Variants in NOTCH2 observed in about 807,000 individuals in gnomAD.
The protein encoded by NOTCH2 is neurogenic locus notch homolog protein 2.
Under a neutral mutation model 235.8 loss-of-function variants are expected in NOTCH2, and 29 were observed. That is an observed-to-expected ratio of 0.12 (90% CI 0.09 to 0.17). The LOEUF (loss-of-function observed/expected upper bound fraction) is 0.17, where lower values mean the gene tolerates loss of function less well. Among genes scored for constraint, NOTCH2 ranks in the 10% least tolerant of loss-of-function variants. NOTCH2 has a pLI of 1.00. For missense variants in NOTCH2, 2,285 were observed against 3,150.2 expected (o/e 0.73, Z 6.57); for synonymous variants, 1,086 against 1,141.5 (o/e 0.95, Z 0.98).
In NOTCH2 at chr1:119,925,809, C is replaced by T. The variant is rs2101163389; in HGVS notation, c.4007G>A (p.Gly1336Glu). 3.1e-6 allele frequency: 5 copies of T among 1,614,056 alleles called. No homozygotes were observed. The highest frequency in any genetic ancestry group is 4.2e-6 in the Non-Finnish European group (5 of 1,180,012). The change falls in exon 25 of 34, where the codon GGA becomes GAA. Residue 1336 changes from glycine (G) to glutamate (E), a missense_variant and splice_region_variant. By Grantham distance (98) the Gly-to-Glu change is moderately conservative. This residue lies in a region of NOTCH2 where 1,173 missense variants were observed against 1,515.3 expected (regional missense o/e 0.77). Coordinates refer to ENST00000256646, the MANE Select transcript of NOTCH2 (RefSeq NM_024408.4). ...GCTCTGGCACCTTGCCCCGGAAAATCCCTGTGGAAATCAGTGAGGAAATAA... is the reference window on the plus strand; with the variant it reads ...GCTCTGGCACCTTGCCCCGGAAAATTCCTGTGGAAATCAGTGAGGAAATAA... ...PDGFICRCPP[G>E]FSGARCQSSC... is the part of the protein sequence containing the mutation.
intron 6 of NOTCH2, among the ~76,000 whole-genome samples, chr1:119,968,505 C>T (rs1159313033): frequency 2.6e-5 from 4 of 152,146 alleles, no homozygotes; most frequent in African/African-American, 4.8e-5. Context: ...GATAAGAAGA[C>T]GGAGACAGGA....
chr1:119,943,764 A>C (rs1650152749), intron 17 of NOTCH2, among the ~76,000 whole-genome samples: 1 of 152,188 alleles, frequency 6.6e-6, no homozygotes, highest in African/African-American at 2.4e-5. Flanking sequence ...ATATGGTAGA[A>C]AAGTAGGTAA....
At chr1:119,961,011 T>C (rs782430192) in intron 11 of NOTCH2, among the ~76,000 whole-genome samples, 7 of 152,186 alleles carry the variant, frequency 4.6e-5, no homozygotes, top group Non-Finnish European at 8.8e-5. Flanking sequence ...AACAGTTTAT[T>C]GAGTTCTATG....
At chr1:119,942,327 A>C (rs1395358292) in intron 17 of NOTCH2, among the ~76,000 whole-genome samples, 1 of 152,246 alleles carries the variant, frequency 6.6e-6, no homozygotes, top group Non-Finnish European at 1.5e-5. Flanking sequence ...TTTAAGCTAC[A>C]GTCATGCCAC....
chr1:119,966,184 C>T (rs1332698269), intron 9 of NOTCH2, among the ~76,000 whole-genome samples, 192 bp downstream of exon 9: 2 of 152,134 alleles, frequency 1.3e-5, no homozygotes, highest in Non-Finnish European at 2.9e-5. Context: ...GGACTTTTGG[C>T]CACAAAGGAC....
At chr1:119,921,931 A>ATCTTCTCT in intron 28 of NOTCH2, 122 bp from the exon 29 acceptor site, 1 of 856,636 alleles carries the variant, frequency 1.2e-6, no homozygotes, top group Non-Finnish European at 1.9e-6. Flanking sequence ...GTCTTGGCCC[A>ATCTTCTCT]GAGAAGATGG....
intron 5 of NOTCH2, among the ~76,000 whole-genome samples, chr1:119,985,952 C>T (rs1652004862): frequency 6.6e-6 from 1 of 152,130 alleles, no homozygotes; most frequent in Non-Finnish European, 1.5e-5. Context: ...AAATGTTTGG[C>T]CTCCCCAGTA....
At chr1:120,002,865 T>C (rs587735893) in intron 3 of NOTCH2, among the ~76,000 whole-genome samples, 27 of 149,324 alleles carry the variant, frequency 1.8e-4, no homozygotes, top group African/African-American at 6.9e-4. Flanking sequence ...AGAATAGTTG[T>C]ACTACATCAG....
intron 12 of NOTCH2, 69 bp downstream of exon 12, chr1:119,959,323 T>C (rs1174216849): frequency 4.6e-6 from 4 of 865,256 alleles, no homozygotes; most frequent in African/African-American, 1.6e-5. Flanking sequence ...AAAAGCAATA[T>C]TCCTTTGGAT....
chr1:119,952,766 C>A (rs1463955376), intron 14 of NOTCH2, among the ~76,000 whole-genome samples: 4 of 152,186 alleles, frequency 2.6e-5, no homozygotes, highest in African/African-American at 9.7e-5. Flanking sequence ...GGGTTGAGGA[C>A]CTCCGGTGTA....
rs374641266 is a variant in NOTCH2 at position 119,923,780 on chromosome 1, C to T, written c.4716G>A (p.Leu1572=). 2 of 1,614,044 alleles carry T rather than the reference C, an allele frequency of 1.2e-6. No homozygotes were observed. Among genetic ancestry groups the T allele is most frequent in the African/African-American group, 2.7e-5 (2 of 74,906 alleles). The change falls in exon 26 of 34, where the codon CTG becomes CTA. Residue 1572 remains leucine (L), a synonymous_variant. Transcript: ENST00000256646. ...GCTTAATGCGCAGGTTGGTGTGGAG[C>T]AGGGTACCCAGTGCCCGCAAGAAGC... ...ARSFLRALGT[L]LHTNLRIKRD...
intron 3 of NOTCH2, 43 bp downstream of exon 3, chr1:120,005,286 C>T (rs200812134): frequency 5.0e-6 from 8 of 1,613,974 alleles, no homozygotes; most frequent in Non-Finnish European, 5.9e-6. Context: ...ATAAAGGTAT[C>T]TGCTGAAGGT....
chr1:119,932,035 C>T (rs1453266449), intron 22 of NOTCH2, among the ~76,000 whole-genome samples: 1 of 145,944 alleles, frequency 6.9e-6, no homozygotes, highest in Admixed American at 6.8e-5. Context: ...AACAAAGAAA[C>T]TGCAAAAAAA....
At chr1:119,948,847 A>C (rs587666457) in intron 16 of NOTCH2, among the ~76,000 whole-genome samples, 160 bp downstream of exon 16, 1 of 152,268 alleles carries the variant, frequency 6.6e-6, no homozygotes, top group East Asian at 1.9e-4. Flanking sequence ...AGGCTTTCTA[A>C]GCCATTTCAA....
chr1:119,959,580 G>A (rs782705954), intron 11 of NOTCH2, 78 bp from the exon 12 acceptor site: 11 of 827,844 alleles, frequency 1.3e-5, no homozygotes, highest in South Asian at 4.1e-5. Context: ...ATGCAGCAAC[G>A]TGGTAAGAAA....
At chr1:119,972,623 T>A (rs868971930) in intron 5 of NOTCH2, among the ~76,000 whole-genome samples, 19 of 152,256 alleles carry the variant, frequency 1.2e-4, no homozygotes, top group Middle Eastern at 3.4e-3. Context: ...GGAAAGGAAA[T>A]GTGGCACTCT....
At chr1:119,962,850 C>A (rs1479284667) in intron 11 of NOTCH2, among the ~76,000 whole-genome samples, 3 of 152,152 alleles carry the variant, frequency 2.0e-5, no homozygotes, top group Non-Finnish European at 2.9e-5. Flanking sequence ...ATAAGTAAAA[C>A]AGAACCATCC....
chr1:119,962,768 C>T (rs2101135195), intron 11 of NOTCH2, among the ~76,000 whole-genome samples: 1 of 152,330 alleles, frequency 6.6e-6, no homozygotes, highest in Non-Finnish European at 1.5e-5. Context: ...TCCACTAATA[C>T]ATTTTCCTTT....
chr1:120,001,086 C>T (rs1652731648), intron 3 of NOTCH2, among the ~76,000 whole-genome samples: 1 of 152,136 alleles, frequency 6.6e-6, no homozygotes, highest in Non-Finnish European at 1.5e-5. Context: ...TCCTAATTTT[C>T]TCTTGCCACC....
Sources: gnomAD v4.1 joint callset for allele counts (sites outside exome capture counted in the v4.1 genomes callset) on GRCh38, gnomAD v4.1.1 for gene constraint, gnomAD v4.1.1 regional missense constraint, MANE v1.5 for transcripts, NCBI Gene and HGNC (gene_info 2026-07-23, HGNC 2026-07-21) for gene names.